The following TCF4 variants were observed in gnomAD, a reference collection of about 807,000 sequenced individuals.
The protein encoded by TCF4 is SL3-3 enhancer factor 2.
In TCF4, 3 loss-of-function variants were observed where a neutral mutation model predicts 82.1. That is an observed-to-expected ratio of 0.04 (90% CI 0.02 to 0.09). The LOEUF is 0.09. Ranked by LOEUF, TCF4 falls within the 10% of genes least tolerant of loss-of-function variation. The pLI is 1.00. For missense variants in TCF4, 518 were observed against 852.7 expected (o/e 0.61, Z 4.89); for synonymous variants, 276 against 309.6 (o/e 0.89, Z 1.14).
chr18:55,389,774 C>A (rs1177428581), intron 6 of TCF4, among the ~76,000 whole-genome samples: 1 of 152,056 alleles, frequency 6.6e-6, no homozygotes, highest in Non-Finnish European at 1.5e-5. Flanking sequence ...CAGCAGTGGA[C>A]AGGAGGCATG....
At chr18:55,233,540 T>G (rs8090085) in intron 16 of TCF4, among the ~76,000 whole-genome samples, 56,129 of 151,806 alleles carry the variant, frequency 0.37, 10,439 homozygotes, top group East Asian at 0.43. Flanking sequence ...TCCTGGCCAG[T>G]TGTGGTGGTT....
intron 15 of TCF4, among the ~76,000 whole-genome samples, chr18:55,240,232 A>G (rs999347609): frequency 4.6e-5 from 7 of 152,208 alleles, no homozygotes; most frequent in Admixed American, 1.3e-4. Context: ...GAAGAACAAC[A>G]ACAAAATGGG....
intron 3 of TCF4, among the ~76,000 whole-genome samples, chr18:55,494,991 C>G (rs1184968666): frequency 6.8e-6 from 1 of 147,586 alleles, no homozygotes; most frequent in Non-Finnish European, 1.5e-5. Context: ...GAAATCTACA[C>G]AAAGAAACAC....
At chr18:55,503,118 A>C (rs1259255792) in intron 3 of TCF4, among the ~76,000 whole-genome samples, 1 of 152,240 alleles carries the variant, frequency 6.6e-6, no homozygotes, top group Non-Finnish European at 1.5e-5. Context: ...GAGAATCCTC[A>C]TGCAAGGTTA....
intron 15 of TCF4, among the ~76,000 whole-genome samples, chr18:55,242,029 C>A (rs1014302166): frequency 3.3e-5 from 5 of 152,164 alleles, no homozygotes; most frequent in Non-Finnish European, 7.3e-5. Flanking sequence ...GGTTAACGCC[C>A]ACATCACTAA....
chr18:55,605,116 G>C (rs1248997758), intron 2 of TCF4, among the ~76,000 whole-genome samples: 1 of 152,150 alleles, frequency 6.6e-6, no homozygotes, highest in Admixed American at 6.5e-5. Context: ...AGAAAAGGGG[G>C]AGTCAAGACT....
intron 6 of TCF4, among the ~76,000 whole-genome samples, chr18:55,353,590 G>A (rs1163791095): frequency 6.6e-6 from 1 of 152,094 alleles, no homozygotes; most frequent in Non-Finnish European, 1.5e-5. Flanking sequence ...GGAAAATGAA[G>A]ATAAAAATAT....
intron 3 of TCF4, among the ~76,000 whole-genome samples, chr18:55,541,048 T>C (rs1018719282): frequency 2.6e-5 from 4 of 152,158 alleles, no homozygotes; most frequent in African/African-American, 7.2e-5. Context: ...AGTATACAAT[T>C]TGAAGACCAC....
chr18:55,351,059 C>A, intron 6 of TCF4, 56 bp from the exon 7 acceptor site: 1 of 1,605,580 alleles, frequency 6.2e-7, no homozygotes, highest in Non-Finnish European at 8.5e-7. Flanking sequence ...ACTTTCACCA[C>A]CTCCCAACTG....
chr18:55,459,857 T>A (rs1256942045), intron 5 of TCF4, among the ~76,000 whole-genome samples: 2 of 152,116 alleles, frequency 1.3e-5, no homozygotes, highest in Admixed American at 6.5e-5. Flanking sequence ...AAACCAACTT[T>A]GTGGTTCTCA....
At chr18:55,591,701 G>C (rs1361464787), upstream of TCF4, among the ~76,000 whole-genome samples, 5 of 152,274 alleles carry the variant, frequency 3.3e-5, no homozygotes, top group East Asian at 9.7e-4. Flanking sequence ...ATTTTTAGTA[G>C]AGATGGGATT....
chr18:55,391,253 C>T (rs891026445), intron 6 of TCF4, among the ~76,000 whole-genome samples: 1 of 152,150 alleles, frequency 6.6e-6, no homozygotes, highest in African/African-American at 2.4e-5. Context: ...AGGAGTGAAC[C>T]ACATCCCAGG....
chr18:55,500,515 T>G (rs1037195388), intron 3 of TCF4, among the ~76,000 whole-genome samples: 1 of 152,240 alleles, frequency 6.6e-6, no homozygotes, highest in Non-Finnish European at 1.5e-5. Context: ...ATCCTGTTTA[T>G]ACGACTATTT....
At chr18:55,255,140 T>C (rs1017816311) in intron 14 of TCF4, among the ~76,000 whole-genome samples, 1 of 152,202 alleles carries the variant, frequency 6.6e-6, no homozygotes, top group African/African-American at 2.4e-5. Flanking sequence ...TATATTTCTT[T>C]GGTCTTCCCT....
intron 8 of TCF4, among the ~76,000 whole-genome samples, chr18:55,290,512 C>T (rs1248926959): frequency 1.3e-5 from 2 of 152,126 alleles, no homozygotes; most frequent in Non-Finnish European, 2.9e-5. Context: ...GAAAGCATTT[C>T]TGGAAAGCAG....
chr18:55,598,403 T>TA (rs1275618227), intron 2 of TCF4, among the ~76,000 whole-genome samples: 7 of 152,228 alleles, frequency 4.6e-5, no homozygotes, highest in African/African-American at 1.7e-4. Context: ...ATTTTTTTAT[T>TA]ATACTTTAAG....
intron 15 of TCF4, among the ~76,000 whole-genome samples, chr18:55,247,563 G>A (rs1385297343): frequency 1.3e-5 from 2 of 152,158 alleles, no homozygotes; most frequent in Non-Finnish European, 2.9e-5. Context: ...GGTACTGAAT[G>A]GGGGAGGAGA....
At chr18:55,500,340 G>C (rs1319307290) in intron 3 of TCF4, among the ~76,000 whole-genome samples, 1 of 152,102 alleles carries the variant, frequency 6.6e-6, no homozygotes, top group Non-Finnish European at 1.5e-5. Context: ...GAATAGCAGG[G>C]GAAAGGAGTG....
intron 5 of TCF4, among the ~76,000 whole-genome samples, chr18:55,413,986 A>C (rs1040253500): frequency 6.6e-6 from 1 of 152,176 alleles, no homozygotes; most frequent in African/African-American, 2.4e-5. Context: ...CAAGGAGGTA[A>C]GAGTTTAGAT....
Sources: gnomAD v4.1 joint callset for allele counts (sites outside exome capture counted in the v4.1 genomes callset) on GRCh38, gnomAD v4.1.1 for gene constraint, MANE v1.5 for transcripts, NCBI Gene and HGNC (gene_info 2026-07-23, HGNC 2026-07-21) for gene names.